DNM3: variants seen among roughly 807,000 people sequenced by gnomAD.
DNM3 encodes the protein dynamin 3.
A neutral mutation model predicts 101.6 loss-of-function variants in DNM3; 47 were observed. The observed-to-expected ratio is 0.46, with a 90% CI of 0.37 to 0.59. DNM3 has a LOEUF of 0.59. DNM3 is among the 20% of genes least tolerant of loss of function. DNM3 has a pLI of 0.00. For missense variants in DNM3, 849 were observed against 1,085.7 expected, an observed-to-expected ratio of 0.78 and a Z score of 3.06; for synonymous variants, 385 against 387.9, an observed-to-expected ratio of 0.99 and a Z score of 0.09.
At chr1:172,375,948 C>T (rs976439529) in intron 17 of DNM3, among the ~76,000 whole-genome samples, 2 of 151,662 alleles carry the variant, frequency 1.3e-5, no homozygotes, top group Non-Finnish European at 1.5e-5. Context: ...GCTATGATCA[C>T]GCCACTGCAC....
At chr1:172,127,371 T>C (rs540590476) in intron 13 of DNM3, among the ~76,000 whole-genome samples, 134 of 145,778 alleles carry the variant, frequency 9.2e-4, no homozygotes, top group African/African-American at 2.7e-3. Flanking sequence ...GTATCGCCAA[T>C]CTCTTACTCT....
chr1:172,325,219 C>T (rs1161181074), intron 17 of DNM3, among the ~76,000 whole-genome samples: 2 of 152,028 alleles, frequency 1.3e-5, no homozygotes, highest in African/African-American at 2.4e-5. Context: ...AAGGGTTTCC[C>T]TAGGATGATG....
At chr1:172,033,020 C>G in intron 5 of DNM3, 85 bp from the exon 6 acceptor site, 1 of 1,482,532 alleles carries the variant, frequency 6.7e-7, no homozygotes, top group Non-Finnish European at 9.0e-7. Context: ...GCCTTTCTTA[C>G]TCTGCCTATG....
chr1:172,155,219 A>G (rs1281101936), intron 14 of DNM3, among the ~76,000 whole-genome samples: 2 of 151,946 alleles, frequency 1.3e-5, no homozygotes, highest in Non-Finnish European at 2.9e-5. Flanking sequence ...TTTAATAAAC[A>G]TGACCAAATC....
At chr1:171,894,244 C>T (rs2037561153) in intron 1 of DNM3, among the ~76,000 whole-genome samples, 1 of 152,326 alleles carries the variant, frequency 6.6e-6, no homozygotes, top group East Asian at 1.9e-4. Context: ...AGGCACGAGC[C>T]ACCACACCTG....
downstream of DNM3, among the ~76,000 whole-genome samples, chr1:172,413,338 T>C (rs932867686): frequency 1.3e-5 from 2 of 152,176 alleles, no homozygotes; most frequent in Non-Finnish European, 2.9e-5. Flanking sequence ...GCCATTCTCC[T>C]GCCTCAGCCT....
chr1:172,014,107 T>A, intron 4 of DNM3, among the ~76,000 whole-genome samples: 1 of 151,836 alleles, frequency 6.6e-6, no homozygotes, highest in East Asian at 1.9e-4. Context: ...TTTGCAACGG[T>A]GAAAATATGG....
rs1014671896 is a variant in DNM3 at position 172,057,873 on chromosome 1, T to C, written c.1335+9123T>C. Among the ~76,000 whole-genome samples, 142 of 140,038 alleles carry C rather than the reference T, an allele frequency of 1.0e-3. 2 individuals are homozygous for C. Among genetic ancestry groups the C allele is most frequent in the Middle Eastern group, 3.5e-3 (1 of 288 alleles). 91.9% of individuals were successfully genotyped at this position (140,038 alleles called of 152,430 possible). On this transcript the variant is annotated intron_variant, in intron 10 of 20. Coordinates refer to ENST00000627582, the MANE Select transcript of DNM3 (RefSeq NM_015569.5). The stretch of plus-strand genomic sequence containing the variant: ...TAACTTTAAATGTAAATGGACTAAA[T>C]GCTCCAATTAAAAGACACAGACTGG...
intron 15 of DNM3, among the ~76,000 whole-genome samples, chr1:172,255,573 C>T (rs907222779): frequency 1.3e-5 from 2 of 152,024 alleles, no homozygotes; most frequent in East Asian, 3.9e-4. Context: ...CAAAAGTCAC[C>T]GAAATAAGGA....
intron 15 of DNM3, among the ~76,000 whole-genome samples, chr1:172,270,332 T>C (rs1217633867): frequency 6.6e-6 from 1 of 152,062 alleles, no homozygotes; most frequent in African/African-American, 2.4e-5. Context: ...TTGAGCTACT[T>C]CAATCATGCA....
intron 1 of DNM3, among the ~76,000 whole-genome samples, chr1:171,891,604 C>T (rs2037289401): frequency 6.6e-6 from 1 of 152,088 alleles, no homozygotes; most frequent in Non-Finnish European, 1.5e-5. Context: ...TTAGATGTGA[C>T]AATTTCTCAG....
intron 4 of DNM3, among the ~76,000 whole-genome samples, chr1:172,005,427 G>A (rs1467686080): frequency 6.6e-6 from 1 of 152,028 alleles, no homozygotes; most frequent in East Asian, 1.9e-4. Context: ...GTTTTAGGAA[G>A]CATATAGCTG....
At chr1:171,985,029 G>T (rs908615275) in intron 2 of DNM3, among the ~76,000 whole-genome samples, 18 of 152,052 alleles carry the variant, frequency 1.2e-4, no homozygotes, top group African/African-American at 4.3e-4. Flanking sequence ...CTTCCGGAAG[G>T]GCATGTTTCC....
At chr1:172,104,192 TTATC>T (rs1355522481) in intron 13 of DNM3, among the ~76,000 whole-genome samples, 1 of 152,228 alleles carries the variant, frequency 6.6e-6, no homozygotes, top group East Asian at 1.9e-4. Context: ...TATTTTCTGC[TTATC>T]TATCTCTTGA....
intron 14 of DNM3, among the ~76,000 whole-genome samples, chr1:172,168,298 A>C (rs2058826822): frequency 6.6e-6 from 1 of 151,990 alleles, no homozygotes. Context: ...GAAAGCAAGA[A>C]AGCACACCTG....
intron 4 of DNM3, among the ~76,000 whole-genome samples, chr1:172,008,641 G>T (rs2046860325): frequency 6.7e-6 from 1 of 148,494 alleles, no homozygotes. Context: ...TTTTTCATAT[G>T]GATATGTAAT....
At chr1:172,395,317 T>C (rs1404278209) in intron 20 of DNM3, among the ~76,000 whole-genome samples, 1 of 151,914 alleles carries the variant, frequency 6.6e-6, no homozygotes, top group Non-Finnish European at 1.5e-5. Flanking sequence ...ATTACAGGCG[T>C]GCACCACCAC....
At chr1:171,935,179 G>A (rs1327723178) in intron 2 of DNM3, among the ~76,000 whole-genome samples, 1 of 151,646 alleles carries the variant, frequency 6.6e-6, no homozygotes, top group Non-Finnish European at 1.5e-5. Context: ...AATATTATTT[G>A]GTTAATTCAG....
chr1:172,238,851 C>T (rs2061639798), intron 14 of DNM3, among the ~76,000 whole-genome samples: 1 of 152,026 alleles, frequency 6.6e-6, no homozygotes, highest in Non-Finnish European at 1.5e-5. Context: ...CCCTTTCCCA[C>T]TTTACAGTTT....
Sources: gnomAD v4.1 joint callset for allele counts (sites outside exome capture counted in the v4.1 genomes callset) on GRCh38, gnomAD v4.1.1 for gene constraint, MANE v1.5 for transcripts, NCBI Gene and HGNC (gene_info 2026-07-23, HGNC 2026-07-21) for gene names.